The following ETV6 variants were observed in gnomAD, a reference collection of about 807,000 sequenced individuals.
The protein encoded by ETV6 is transcription factor ETV6.
ETV6 carries 16 observed loss-of-function variants against 51.1 expected under a neutral mutation model. That is an observed-to-expected ratio of 0.31 (90% CI 0.21 to 0.48). ETV6 has a LOEUF of 0.48. Among genes scored for constraint, ETV6 ranks in the 20% least tolerant of loss-of-function variants. The pLI is 0.99. For missense variants in ETV6, 458 were observed against 594.8 expected, an observed-to-expected ratio of 0.77 and a Z score of 2.39; for synonymous variants, 240 against 224.1, an observed-to-expected ratio of 1.07 and a Z score of -0.64.
At chr12:11,688,564 C>A (rs1202872893) in intron 1 of ETV6, among the ~76,000 whole-genome samples, 1 of 152,228 alleles carries the variant, frequency 6.6e-6, no homozygotes, top group Non-Finnish European at 1.5e-5. Flanking sequence ...GCAGTTCATA[C>A]GAGGCCTGCA....
chr12:11,740,421 A>C (rs10491989), intron 1 of ETV6, among the ~76,000 whole-genome samples: 1 of 152,162 alleles, frequency 6.6e-6, no homozygotes, highest in Non-Finnish European at 1.5e-5. Flanking sequence ...TGAAGCCCCT[A>C]GTAAGACTTG....
At chr12:11,668,040 G>T (rs1170089497) in intron 1 of ETV6, among the ~76,000 whole-genome samples, 2 of 151,954 alleles carry the variant, frequency 1.3e-5, no homozygotes, top group Non-Finnish European at 2.9e-5. Context: ...TCACTATGTT[G>T]CCTGGCTGGT....
chr12:11,712,528 A>G (rs1565495368), intron 1 of ETV6, among the ~76,000 whole-genome samples: 1 of 152,168 alleles, frequency 6.6e-6, no homozygotes, highest in Non-Finnish European at 1.5e-5. Context: ...AAACAGAACC[A>G]ATAGGAGATC....
chr12:11,701,406 C>T (rs989276677), intron 1 of ETV6, among the ~76,000 whole-genome samples: 3 of 152,178 alleles, frequency 2.0e-5, no homozygotes, highest in East Asian at 1.9e-4. Context: ...GCTTATTTCA[C>T]TTAGCATGAT....
chr12:11,713,691 CCTTG>C (rs1865216486), intron 1 of ETV6, among the ~76,000 whole-genome samples: 1 of 152,084 alleles, frequency 6.6e-6, no homozygotes, highest in South Asian at 2.1e-4. Context: ...GTTGCACTTG[CCTTG>C]CTTTGTTTTT....
chr12:11,655,618 A>G (rs1218448159), intron 1 of ETV6, among the ~76,000 whole-genome samples: 1 of 152,238 alleles, frequency 6.6e-6, no homozygotes, highest in Non-Finnish European at 1.5e-5. Context: ...ATTGGGTAGA[A>G]ACTAGTGCTA....
chr12:11,733,887 G>A (rs541319034), intron 1 of ETV6, among the ~76,000 whole-genome samples: 5 of 152,300 alleles, frequency 3.3e-5, no homozygotes, highest in African/African-American at 9.6e-5. Flanking sequence ...ACCTCTGCTC[G>A]GCCGACCACT....
At chr12:11,663,759 G>GTGTGTGTGTGTA (rs1864144122) in intron 1 of ETV6, among the ~76,000 whole-genome samples, 1 of 2,668 alleles carries the variant, frequency 3.7e-4, no homozygotes, top group African/African-American at 1.3e-3. Context: ...TTGGTAGGTT[G>GTGTGTGTGTGTA]TGTGTGTGTG....
chr12:11,859,118 GGTTTTTTTTT>G (rs1247579226), intron 4 of ETV6, among the ~76,000 whole-genome samples: 1,432 of 41,780 alleles, frequency 0.034, 544 homozygotes, highest in Non-Finnish European at 0.039. Context: ...ATATGAATCT[GGTTTTTTTTT>G]TTTTTTTTTT....
At chr12:11,744,760 TTGCC>T (rs1263624976) in intron 1 of ETV6, among the ~76,000 whole-genome samples, 1 of 152,178 alleles carries the variant, frequency 6.6e-6, no homozygotes, top group Non-Finnish European at 1.5e-5. Context: ...GCTTGTAACT[TTGCC>T]TGCGTGTACA....
chr12:11,721,403 T>C (rs901853524), intron 1 of ETV6, among the ~76,000 whole-genome samples: 1 of 152,202 alleles, frequency 6.6e-6, no homozygotes, highest in East Asian at 1.9e-4. Context: ...AATGAAATCA[T>C]GTCCTTTATA....
chr12:11,704,581 A>G (rs1306506873), intron 1 of ETV6, among the ~76,000 whole-genome samples: 1 of 152,154 alleles, frequency 6.6e-6, no homozygotes, highest in Non-Finnish European at 1.5e-5. Flanking sequence ...TCCTAACCTC[A>G]AGTGTTCCGC....
intron 1 of ETV6, among the ~76,000 whole-genome samples, chr12:11,693,098 T>C (rs1016779937): frequency 2.0e-5 from 3 of 152,176 alleles, no homozygotes; most frequent in Non-Finnish European, 4.4e-5. Context: ...ATATGTACCT[T>C]AGAACTTAGG....
chr12:11,686,587 G>A (rs994068060), intron 1 of ETV6, among the ~76,000 whole-genome samples: 4 of 152,180 alleles, frequency 2.6e-5, no homozygotes, highest in Non-Finnish European at 5.9e-5. Context: ...GAGTGCAGTG[G>A]CGTGATCTTG....
chr12:11,807,732 A>G (rs1368086723), intron 2 of ETV6, among the ~76,000 whole-genome samples: 4 of 152,216 alleles, frequency 2.6e-5, no homozygotes. Flanking sequence ...CACCTTTTCA[A>G]TGAAACAGGA....
chr12:11,651,674 G>T (rs1863909296), intron 1 of ETV6, among the ~76,000 whole-genome samples: 1 of 152,164 alleles, frequency 6.6e-6, no homozygotes, highest in Non-Finnish European at 1.5e-5. Flanking sequence ...TCTACACAGA[G>T]TTCAGGAAAA....
chr12:11,650,461 A>T (rs1305803086), intron 1 of ETV6, among the ~76,000 whole-genome samples: 1 of 94,672 alleles, frequency 1.1e-5, no homozygotes. Flanking sequence ...ACCGTAAAAC[A>T]CCCCCGTAAT....
chr12:11,867,807 G>C (rs1946811855), intron 4 of ETV6, among the ~76,000 whole-genome samples: 1 of 152,180 alleles, frequency 6.6e-6, no homozygotes. Flanking sequence ...CTTTTGGTGA[G>C]ACTGCCCTGG....
intron 2 of ETV6, among the ~76,000 whole-genome samples, chr12:11,838,233 G>T (rs1946343190): frequency 6.6e-6 from 1 of 152,210 alleles, no homozygotes; most frequent in Non-Finnish European, 1.5e-5. Flanking sequence ...GTTATGACAA[G>T]ATGTTTTACT....
Sources: gnomAD v4.1 joint callset for allele counts (sites outside exome capture counted in the v4.1 genomes callset) on GRCh38, gnomAD v4.1.1 for gene constraint, MANE v1.5 for transcripts, NCBI Gene and HGNC (gene_info 2026-07-23, HGNC 2026-07-21) for gene names.